IL1RAPL1: variants seen among roughly 807,000 people sequenced by gnomAD.
The protein encoded by IL1RAPL1 is interleukin 1 receptor accessory protein like 1, also known as interleukin-1 receptor accessory protein-like 1.
A neutral mutation model predicts 48.4 loss-of-function variants in IL1RAPL1; 3 were observed. That is an observed-to-expected ratio of 0.06 (90% CI 0.03 to 0.16). IL1RAPL1 has a LOEUF of 0.16. IL1RAPL1 is among the 10% of genes least tolerant of loss of function. The pLI, the probability that IL1RAPL1 is intolerant of heterozygous loss-of-function variation, is 1.00. For synonymous variants in IL1RAPL1, 185 were observed against 187.7 expected, an observed-to-expected ratio of 0.99 and a Z score of 0.12; for missense variants, 349 against 530.6, an observed-to-expected ratio of 0.66 and a Z score of 3.36.
chrX:28,925,605 A>G (rs1019483486), intron 2 of IL1RAPL1, among the ~76,000 whole-genome samples: 4 of 112,145 alleles, frequency 3.6e-5, no homozygotes, highest in African/African-American at 9.7e-5. Flanking sequence ...CAAGCATACT[A>G]AAGTTTTAGA....
intron 6 of IL1RAPL1, among the ~76,000 whole-genome samples, chrX:29,915,993 T>C (rs1343558305): frequency 6.2e-5 from 6 of 96,978 alleles, no homozygotes; most frequent in Non-Finnish European, 1.2e-4. Context: ...AGTGAGAATA[T>C]GTGGTGTTTG....
intron 8 of IL1RAPL1, among the ~76,000 whole-genome samples, chrX:29,937,168 G>C (rs183774699): frequency 8.9e-6 from 1 of 112,022 alleles, no homozygotes; most frequent in Admixed American, 9.5e-5. Flanking sequence ...CCCTTAAAGG[G>C]GGCAGAGTCT....
chrX:29,393,283 G>A (rs938003942), intron 3 of IL1RAPL1, among the ~76,000 whole-genome samples: 15 of 111,653 alleles, frequency 1.3e-4, no homozygotes, highest in Non-Finnish European at 2.3e-4. Flanking sequence ...CACCACGCCC[G>A]GCTAATTTCT....
intron 5 of IL1RAPL1, among the ~76,000 whole-genome samples, chrX:29,414,493 A>G (rs140841515): frequency 0.02 from 2,240 of 110,961 alleles, 23 homozygotes; most frequent in Non-Finnish European, 0.031. Flanking sequence ...CTGAGACGAG[A>G]GGACCACTTG....
intron 6 of IL1RAPL1, among the ~76,000 whole-genome samples, chrX:29,803,591 A>ATG (rs747308595): frequency 9.8e-6 from 1 of 102,159 alleles, no homozygotes; most frequent in South Asian, 4.2e-4. Context: ...GTATCCATAT[A>ATG]TGTGTGTGTA....
At chrX:29,439,158 G>C (rs955944760) in intron 5 of IL1RAPL1, among the ~76,000 whole-genome samples, 5 of 111,242 alleles carry the variant, frequency 4.5e-5, no homozygotes, top group African/African-American at 1.6e-4. Flanking sequence ...CATGGTCAAG[G>C]GTCTGGAGTT....
intron 2 of IL1RAPL1, among the ~76,000 whole-genome samples, chrX:29,267,726 A>T (rs986903841): frequency 8.9e-6 from 1 of 112,083 alleles, no homozygotes; most frequent in Non-Finnish European, 1.9e-5. Context: ...TCTGCATTAA[A>T]TCCATGCTTT....
chrX:28,962,002 A>G (rs1924791496), intron 2 of IL1RAPL1, among the ~76,000 whole-genome samples: 2 of 112,124 alleles, frequency 1.8e-5, no homozygotes, highest in East Asian at 2.8e-4. Flanking sequence ...TCTCACGTTA[A>G]GAGCACCCAA....
At chrX:28,862,509 T>C (rs1043102567) in intron 2 of IL1RAPL1, among the ~76,000 whole-genome samples, 1 of 111,719 alleles carries the variant, frequency 9.0e-6, no homozygotes, top group Admixed American at 9.6e-5. Context: ...ACCGTGTTAA[T>C]GAATCTGTGC....
chrX:29,803,448 T>C lies in IL1RAPL1; in HGVS notation c.779-114016T>C, dbSNP rs145918864. 9.4e-3 allele frequency among the ~76,000 whole-genome samples: 896 copies of C among 95,793 alleles called. 10 individuals are homozygous for C. Among genetic ancestry groups the C allele is most frequent in the African/African-American group, 0.032 (852 of 26,793 alleles). 83.2% of individuals were successfully genotyped at this position (95,793 alleles called of 115,157 possible). A position where few individuals can be genotyped will look rare whatever the true frequency, so the allele number is the denominator to read the frequency against. ...GTATATATGTATACATCTATGTATA[T>C]ATGTGTGTATATATGTATATATGTA... On this transcript the variant is annotated intron_variant, in intron 6 of 10. Coordinates refer to ENST00000378993, the MANE Select transcript of IL1RAPL1 (RefSeq NM_014271.4).
intron 1 of IL1RAPL1, among the ~76,000 whole-genome samples, chrX:28,715,180 A>G (rs1419542893): frequency 8.9e-6 from 1 of 112,496 alleles, no homozygotes; most frequent in African/African-American, 3.2e-5. Context: ...AGAAAACTGA[A>G]ACCATATAAA....
intron 5 of IL1RAPL1, among the ~76,000 whole-genome samples, chrX:29,462,703 A>G (rs2147734729): frequency 9.0e-6 from 1 of 110,686 alleles, no homozygotes; most frequent in East Asian, 2.9e-4. Flanking sequence ...TCCTTCTTTC[A>G]CCTCATAGTC....
chrX:29,551,038 T>C (rs1242258519), intron 5 of IL1RAPL1, among the ~76,000 whole-genome samples: 2 of 112,377 alleles, frequency 1.8e-5, no homozygotes, highest in Admixed American at 1.9e-4. Context: ...TTTCTGTCGG[T>C]ACCTCATACA....
chrX:29,391,190 T>C (rs916092839), intron 3 of IL1RAPL1, among the ~76,000 whole-genome samples: 6 of 108,758 alleles, frequency 5.5e-5, no homozygotes, highest in African/African-American at 2.0e-4. Context: ...AAAAAAAAAA[T>C]CTCTGATAGC....
At chrX:28,964,234 C>G (rs1038864177) in intron 2 of IL1RAPL1, among the ~76,000 whole-genome samples, 4 of 111,622 alleles carry the variant, frequency 3.6e-5, no homozygotes, top group African/African-American at 1.3e-4. Flanking sequence ...CAGGAATAAA[C>G]ACATTTGAGA....
rs1240894185 is a variant in IL1RAPL1 at position 29,573,719 on chromosome X, C to G, written c.704-94711C>G. On this transcript the variant is annotated intron_variant, in intron 5 of 10. Transcript: ENST00000378993. ...TTAGGTAGATCCTCGTAAAAGTTACCATTTTGAGAATTGTATTTATGATTG... is the reference window on the plus strand; with the variant it reads ...TTAGGTAGATCCTCGTAAAAGTTACGATTTTGAGAATTGTATTTATGATTG... Among the ~76,000 whole-genome samples the G allele has an allele frequency of 4.5e-5, 5 of 112,344 alleles. No homozygotes were observed. In the South Asian group the frequency reaches 1.5e-3, roughly 33 times the overall value.
intron 5 of IL1RAPL1, among the ~76,000 whole-genome samples, chrX:29,546,277 G>A (rs369100082): frequency 1.1e-4 from 12 of 111,414 alleles, no homozygotes; most frequent in African/African-American, 3.6e-4. Context: ...TAGGAAGAAA[G>A]AGTAATGGCA....
At chrX:29,842,798 G>C (rs1450560261) in intron 6 of IL1RAPL1, among the ~76,000 whole-genome samples, 1 of 111,753 alleles carries the variant, frequency 8.9e-6, no homozygotes, top group Non-Finnish European at 1.9e-5. Context: ...TTTCAAAGAC[G>C]ACATTTCAGA....
intron 5 of IL1RAPL1, among the ~76,000 whole-genome samples, chrX:29,594,684 G>GT (rs975894949): frequency 1.8e-5 from 2 of 111,014 alleles, no homozygotes; most frequent in African/African-American, 3.3e-5. Context: ...ACAAAAGTGT[G>GT]TTTTTTAATG....
Sources: allele counts gnomAD v4.1 joint callset (sites outside exome capture counted in the v4.1 genomes callset), GRCh38; gene constraint gnomAD v4.1.1; transcripts MANE v1.5; gene names NCBI Gene and HGNC (gene_info 2026-07-23, HGNC 2026-07-21).